Variants in MYO1H observed in about 807,000 individuals in gnomAD.
MYO1H encodes myosin IH, also known as unconventional myosin-Ih.
MYO1H carries 118 observed loss-of-function variants against 149.3 expected under a neutral mutation model. The ratio of observed to expected loss-of-function variants is 0.79; its 90% CI spans 0.68 to 0.92. MYO1H has a LOEUF of 0.92. MYO1H is among the 40% of genes least tolerant of loss of function. The pLI, the probability that MYO1H is intolerant of heterozygous loss-of-function variation, is 0.00. For synonymous variants in MYO1H, 447 were observed against 465.2 expected (o/e 0.96, Z 0.50); for missense variants, 1,212 against 1,280.7 (o/e 0.95, Z 0.82).
chr12:109,372,378 G>A (rs1024389273), intron 1 of MYO1H, among the ~76,000 whole-genome samples: 4 of 151,910 alleles, frequency 2.6e-5, no homozygotes, highest in African/African-American at 9.7e-5. Flanking sequence ...TGAAAATTAG[G>A]TTGATAAATG....
At chr12:109,356,389 GTTT>G (rs3036281) in intron 1 of MYO1H, among the ~76,000 whole-genome samples, 66,374 of 149,710 alleles carry the variant, frequency 0.44, 15,114 homozygotes, top group African/African-American at 0.55. Context: ...GTTTGTTTTT[GTTT>G]TTTTTTTGTT....
chr12:109,318,972 G>GTTTTTTTTTTTTTTT, the MYO1H span, among the ~76,000 whole-genome samples: 28 of 77,244 alleles, frequency 3.6e-4, 1 homozygote, highest in South Asian at 5.6e-4. Flanking sequence ...TTTTGGTTTT[G>GTTTTTTTTTTTTTTT]TTTTTTTTTT....
At chr12:109,409,987 C>T (rs1246362464) in exon 12 of MYO1H, 6 of 1,538,248 alleles carry the variant, frequency 3.9e-6, no homozygotes, top group Non-Finnish European at 4.4e-6. Context: ...GTATAAATTA[C>T]TGCAATGAGA....
chr12:109,328,278 C>G, the MYO1H span, among the ~76,000 whole-genome samples: 5 of 151,956 alleles, frequency 3.3e-5, no homozygotes, highest in Non-Finnish European at 7.4e-5. Flanking sequence ...TTGGTACATT[C>G]ACGATGTTGT....
At chr12:109,401,813 C>T (rs925108891) in intron 6 of MYO1H, among the ~76,000 whole-genome samples, 1 of 151,842 alleles carries the variant, frequency 6.6e-6, no homozygotes, top group Non-Finnish European at 1.5e-5. Flanking sequence ...AATAATGGCT[C>T]ATTGCAGCCT....
chr12:109,447,193 C>G lies in MYO1H; in HGVS notation c.*11C>G, dbSNP rs765389758. 5 of 1,592,788 alleles carry G rather than the reference C, an allele frequency of 3.1e-6. No homozygotes were observed. In the African/African-American group the frequency reaches 6.7e-5, roughly 21 times the overall value. On this transcript the variant is annotated 3_prime_UTR_variant, in exon 32 of 32. Transcript: ENST00000310903. ...CGGAGGAAGTCCTGATAGAGGATGACGTCTGACCTCTACCATCGCCATTTT... is the reference window on the plus strand; with the variant it reads ...CGGAGGAAGTCCTGATAGAGGATGAGGTCTGACCTCTACCATCGCCATTTT...
intron 2 of MYO1H, 47 bp downstream of exon 2, chr12:109,388,891 T>G (rs1869512258): frequency 1.3e-6 from 2 of 1,555,444 alleles, no homozygotes; most frequent in African/African-American, 1.4e-5. Context: ...GGTTGTTCCC[T>G]TCTTGCCTTC....
chr12:109,327,208 C>G, the MYO1H span, among the ~76,000 whole-genome samples: 2 of 148,658 alleles, frequency 1.3e-5, no homozygotes, highest in Non-Finnish European at 3.0e-5. Flanking sequence ...TCTCAGCTCC[C>G]TGCAACCTCT....
At chr12:109,327,134 CT>C in the MYO1H span, among the ~76,000 whole-genome samples, 267 of 94,726 alleles carry the variant, frequency 2.8e-3, 1 homozygote, top group South Asian at 4.6e-3. Context: ...TTTTCTTTTT[CT>C]TTTTTTTTTT....
chr12:109,396,814 GTTTTTTTTTTTTTTTT>G (rs60551691), intron 4 of MYO1H, among the ~76,000 whole-genome samples: 2 of 51,072 alleles, frequency 3.9e-5, no homozygotes, highest in East Asian at 7.5e-4. Flanking sequence ...TTTTGGTTTC[GTTTTTTTTTTTTTTTT>G]TTTTTTTTTT....
At chr12:109,356,575 G>A (rs1868610254) in intron 1 of MYO1H, among the ~76,000 whole-genome samples, 1 of 151,972 alleles carries the variant, frequency 6.6e-6, no homozygotes, top group Admixed American at 6.6e-5. Context: ...AAGAAGACTA[G>A]GCTTTGCATT....
At chr12:109,367,454 A>G (rs1868888389) in intron 1 of MYO1H, among the ~76,000 whole-genome samples, 1 of 152,172 alleles carries the variant, frequency 6.6e-6, no homozygotes, top group Non-Finnish European at 1.5e-5. Flanking sequence ...CAAGTACTAA[A>G]GAGATTTGGG....
the MYO1H span, among the ~76,000 whole-genome samples, chr12:109,316,345 A>G: frequency 6.6e-6 from 1 of 152,164 alleles, no homozygotes; most frequent in East Asian, 1.9e-4. Context: ...TCTTACTACT[A>G]TTGTGTGTTC....
At chr12:109,354,994 A>G (rs1868556219) in intron 1 of MYO1H, among the ~76,000 whole-genome samples, 1 of 152,168 alleles carries the variant, frequency 6.6e-6, no homozygotes, top group Admixed American at 6.5e-5. Context: ...CCTGACTTGC[A>G]TTTGGTATGG....
chr12:109,435,170 T>C, intron 21 of MYO1H, 57 bp downstream of exon 21: 2 of 1,228,188 alleles, frequency 1.6e-6, no homozygotes, highest in Non-Finnish European at 2.3e-6. Flanking sequence ...CAAGTGGAGC[T>C]TGGGGGTAAA....
At chr12:109,341,225 A>G in the MYO1H span, among the ~76,000 whole-genome samples, 1 of 96,824 alleles carries the variant, frequency 1.0e-5, no homozygotes, top group African/African-American at 4.8e-5. Context: ...TCAGCGTTCC[A>G]TCTCAAAAAA....
At chr12:109,418,350 T>TTTTC (rs1317120166) in intron 15 of MYO1H, among the ~76,000 whole-genome samples, 3 of 152,034 alleles carry the variant, frequency 2.0e-5, no homozygotes, top group Admixed American at 6.6e-5. Flanking sequence ...TTACTTTTTT[T>TTTTC]TTTCTTTCTT....
At chr12:109,386,009 A>G (rs1869297831) in intron 1 of MYO1H, among the ~76,000 whole-genome samples, 1 of 152,192 alleles carries the variant, frequency 6.6e-6, no homozygotes, top group South Asian at 2.1e-4. Flanking sequence ...CACTCCAAAA[A>G]TGTCATTTGC....
At chr12:109,318,972 G>GTTTTTTTTTTTTT in the MYO1H span, among the ~76,000 whole-genome samples, 55 of 77,214 alleles carry the variant, frequency 7.1e-4, 2 homozygotes, top group East Asian at 7.8e-3. Context: ...TTTTGGTTTT[G>GTTTTTTTTTTTTT]TTTTTTTTTT....
Sources: gnomAD v4.1 joint callset for allele counts (sites outside exome capture counted in the v4.1 genomes callset) on GRCh38, gnomAD v4.1.1 for gene constraint, MANE v1.5 for transcripts, NCBI Gene and HGNC (gene_info 2026-07-23, HGNC 2026-07-21) for gene names.